TJP1: variants seen among roughly 807,000 people sequenced by gnomAD.
TJP1 encodes the protein tight junction protein 1, also known as tight junction protein ZO-1.
A neutral mutation model predicts 194.2 loss-of-function variants in TJP1; 43 were observed. That is an observed-to-expected ratio of 0.22 (90% CI 0.17 to 0.29). The LOEUF (loss-of-function observed/expected upper bound fraction) is 0.29. Ranked by LOEUF, TJP1 falls within the 10% of genes least tolerant of loss-of-function variation. TJP1 has a pLI of 1.00. For synonymous variants in TJP1, 801 were observed against 779.0 expected (o/e 1.03, Z -0.47); for missense variants, 1,971 against 2,185.7 (o/e 0.90, Z 1.96).
chr15:29,862,514 G>A (rs1192340370), intron 2 of TJP1, among the ~76,000 whole-genome samples: 1 of 152,144 alleles, frequency 6.6e-6, no homozygotes, highest in Admixed American at 6.5e-5. Flanking sequence ...GTTATGGGAA[G>A]TGTACATGTG....
intron 15 of TJP1, chr15:29,728,638 T>C (rs1566909769): frequency 6.6e-6 from 1 of 152,266 alleles, no homozygotes; most frequent in Non-Finnish European, 1.5e-5. Flanking sequence ...CAAATGCAGC[T>C]TGGGCTGGTT....
At chr15:29,882,282 G>A (rs974413033) in intron 2 of TJP1, among the ~76,000 whole-genome samples, 2 of 152,124 alleles carry the variant, frequency 1.3e-5, no homozygotes, top group African/African-American at 2.4e-5. Context: ...TTTGGTTTTG[G>A]TGAAGGGGAG....
chr15:29,921,857 T>C (rs75028097), intron 2 of TJP1, among the ~76,000 whole-genome samples: 43 of 151,778 alleles, frequency 2.8e-4, no homozygotes, highest in African/African-American at 9.9e-4. Flanking sequence ...CTTTTTTTTT[T>C]CTCCATGACG....
At chr15:29,699,653 C>T (rs2041423909), downstream of TJP1, 1 of 152,190 alleles carries the variant, frequency 6.6e-6, no homozygotes, top group Non-Finnish European at 1.5e-5. Flanking sequence ...AAGGTGTTTA[C>T]TGAAACACTA....
chr15:29,712,797 G>T (rs1179869702), intron 23 of TJP1, among the ~76,000 whole-genome samples: 3 of 147,382 alleles, frequency 2.0e-5, no homozygotes, highest in Non-Finnish European at 4.5e-5. Flanking sequence ...AAGTGGGAGT[G>T]ACATGTCCCA....
At chr15:29,714,800 C>A in intron 23 of TJP1, among the ~76,000 whole-genome samples, 1 of 152,154 alleles carries the variant, frequency 6.6e-6, no homozygotes, top group East Asian at 1.9e-4. Context: ...CTTGGTCTCC[C>A]AAAGTGCTGG....
intron 2 of TJP1, among the ~76,000 whole-genome samples, chr15:29,789,037 C>G (rs954529062): frequency 6.6e-6 from 1 of 152,110 alleles, no homozygotes; most frequent in Non-Finnish European, 1.5e-5. Flanking sequence ...ATCAACTCAT[C>G]AATTTTTAAA....
At chr15:29,889,374 T>C (rs948059756) in intron 2 of TJP1, among the ~76,000 whole-genome samples, 1 of 152,258 alleles carries the variant, frequency 6.6e-6, no homozygotes, top group African/African-American at 2.4e-5. Flanking sequence ...ACTTAAAATA[T>C]ATGAAACCTA....
chr15:29,779,749 T>C (rs1595867976), intron 2 of TJP1, among the ~76,000 whole-genome samples: 1 of 152,110 alleles, frequency 6.6e-6, no homozygotes, highest in African/African-American at 2.4e-5. Flanking sequence ...TTAGCAGCAA[T>C]GAGAGTAGGC....
intron 5 of TJP1, among the ~76,000 whole-genome samples, chr15:29,765,498 CA>C (rs2046276896): frequency 6.6e-6 from 1 of 152,072 alleles, no homozygotes; most frequent in Non-Finnish European, 1.5e-5. Flanking sequence ...GTTTCAGTTT[CA>C]AAAACTTCAA....
At chr15:29,813,512 C>T (rs1595993757) in intron 1 of TJP1, among the ~76,000 whole-genome samples, 2 of 152,160 alleles carry the variant, frequency 1.3e-5, no homozygotes, top group East Asian at 3.8e-4. Context: ...TTCTCCACAA[C>T]ATAATCTTAC....
rs1246210701 is a variant in TJP1 at position 29,741,405 on chromosome 15, T to C, written c.1182A>G (p.Gln394=). The C allele has an allele frequency of 6.2e-7, 1 of 1,605,874 alleles. No homozygotes were observed. Among genetic ancestry groups the C allele is most frequent in the South Asian group, 1.1e-5 (1 of 89,058 alleles). Residue 394 remains glutamine, a synonymous_variant, in exon 10 of 28, where the codon CAA becomes CAG. Transcript: ENST00000614355. ...EPKPVYAQVG[Q]PDVDLPVSPS... ...GACTGACAGGTAAATCCACATCTGG[T>C]TGCCCAACTTGGGCATACACAGGCT...
At chr15:29,899,752 A>C (rs1278342434) in intron 2 of TJP1, among the ~76,000 whole-genome samples, 1 of 152,210 alleles carries the variant, frequency 6.6e-6, no homozygotes, top group Non-Finnish European at 1.5e-5. Context: ...TTAGTCCCTG[A>C]AGAAAATCAT....
rs577276175 is a variant in TJP1, at chr15:29,882,047, A to G, written c.306+74185T>C. Among the ~76,000 whole-genome samples, 4 of 152,232 alleles carry G rather than the reference A, an allele frequency of 2.6e-5. No homozygotes were observed. The South Asian group carries it at 8.3e-4, about 32-fold the overall frequency. ...TATTTCTGTGGTATTTTATAACATTAAACCTAGGGATGGCATCAAACACAA... is the reference window on the plus strand; with the variant it reads ...TATTTCTGTGGTATTTTATAACATTGAACCTAGGGATGGCATCAAACACAA... On this transcript the variant is annotated intron_variant, in intron 2 of 28. Transcript: ENST00000356107.
intron 2 of TJP1, among the ~76,000 whole-genome samples, chr15:29,784,027 A>T (rs1051144960): frequency 6.6e-6 from 1 of 152,158 alleles, no homozygotes; most frequent in Non-Finnish European, 1.5e-5. Flanking sequence ...TTTGAGGAAC[A>T]TTACAAACAC....
intron 2 of TJP1, among the ~76,000 whole-genome samples, chr15:29,869,548 G>C (rs988391274): frequency 6.6e-6 from 1 of 152,138 alleles, no homozygotes; most frequent in Non-Finnish European, 1.5e-5. Flanking sequence ...CTAAGGTCCA[G>C]ATTCCAGAAG....
intron 25 of TJP1, among the ~76,000 whole-genome samples, chr15:29,706,283 G>A (rs1410389084): frequency 6.6e-6 from 1 of 151,460 alleles, no homozygotes; most frequent in Non-Finnish European, 1.5e-5. Flanking sequence ...AAAAATTCTA[G>A]AGAAATGTCA....
intron 2 of TJP1, among the ~76,000 whole-genome samples, chr15:29,848,476 T>C (rs1032005120): frequency 2.0e-5 from 3 of 152,254 alleles, no homozygotes; most frequent in African/African-American, 7.2e-5. Flanking sequence ...TTCTAGATAT[T>C]ATCTATGTAG....
intron 1 of TJP1, among the ~76,000 whole-genome samples, chr15:29,813,832 T>C (rs942444857): frequency 1.3e-5 from 2 of 152,214 alleles, no homozygotes; most frequent in Non-Finnish European, 2.9e-5. Context: ...CACTGCTGCA[T>C]CTCCAGCACC....
Sources: gnomAD v4.1 joint callset for allele counts (sites outside exome capture counted in the v4.1 genomes callset) on GRCh38, gnomAD v4.1.1 for gene constraint, MANE v1.5 for transcripts, NCBI Gene and HGNC (gene_info 2026-07-23, HGNC 2026-07-21) for gene names.